FBLN2: variants seen among roughly 807,000 people sequenced by gnomAD.
FBLN2 encodes fibulin 2, also known as fibulin-2.
In FBLN2, 81 loss-of-function variants were observed where a neutral mutation model predicts 123.7. The ratio of observed to expected loss-of-function variants is 0.65; its 90% CI spans 0.55 to 0.79. FBLN2 has a LOEUF of 0.79. Ranked by LOEUF, FBLN2 falls within the 30% of genes least tolerant of loss-of-function variation. The pLI is 0.00. For synonymous variants in FBLN2, 699 were observed against 701.4 expected, an observed-to-expected ratio of 1.00 and a Z score of 0.05; for missense variants, 1,603 against 1,681.3, an observed-to-expected ratio of 0.95 and a Z score of 0.81.
At position 13,560,347 on chromosome 3, in the gene FBLN2, C is replaced by T. The variant is rs183406167; in HGVS notation, c.-41-9968C>T. Among the ~76,000 whole-genome samples, 1,072 of 152,198 alleles carry T rather than the reference C, an allele frequency of 7.0e-3. 18 individuals are homozygous for T. Among genetic ancestry groups the T allele is most frequent in the African/African-American group, 0.025 (1,023 of 41,504 alleles). ...ATGAGCTCACCCTGTTGAAGGAAGG[C>T]CCAGTGACCAGTGAGCGTGTGAGGA... is the stretch of plus-strand genomic sequence containing the variant. On this transcript the variant is annotated intron_variant, in intron 1 of 17. Transcript: ENST00000404922.
At chr3:13,599,125 G>T (rs1704941778) in intron 2 of FBLN2, among the ~76,000 whole-genome samples, 1 of 152,212 alleles carries the variant, frequency 6.6e-6, no homozygotes, top group African/African-American at 2.4e-5. Context: ...TGTGGGATCT[G>T]TGGAGCCCCA....
At chr3:13,587,704 C>T (rs1704554651) in intron 2 of FBLN2, among the ~76,000 whole-genome samples, 1 of 152,240 alleles carries the variant, frequency 6.6e-6, no homozygotes, top group South Asian at 2.1e-4. Context: ...AAACATTTTA[C>T]AGCCTAGCTA....
chr3:13,605,746 G>A (rs1470927589), intron 2 of FBLN2, among the ~76,000 whole-genome samples: 3 of 152,172 alleles, frequency 2.0e-5, no homozygotes, highest in Admixed American at 2.0e-4. Flanking sequence ...CCTTGATGTT[G>A]CGTGTGCTTA....
chr3:13,630,835 G>A lies in FBLN2; in HGVS notation c.3085+20G>A. On this transcript the variant is annotated intron_variant, in intron 15 of 17. Transcript: ENST00000404922. ...GCACAGGTACCTCTCCCCTGTCCAA[G>A]GGCCCCCTTCCAGAGAGTCACTCCT... 6.4e-7 allele frequency: 1 copy of A among 1,554,290 alleles called. No individual in the cohort carries two copies. The highest frequency in any genetic ancestry group is 1.2e-5 in the South Asian group (1 of 85,520).
At chr3:13,569,098 C>G in intron 1 of FBLN2, 1 of 978,074 alleles carries the variant, frequency 1.0e-6, no homozygotes, top group Non-Finnish European at 1.2e-6. Flanking sequence ...CACTGGGTCA[C>G]AAGTGGGGCT....
intron 2 of FBLN2, among the ~76,000 whole-genome samples, chr3:13,591,670 T>G (rs189676936): frequency 1.8e-4 from 27 of 152,342 alleles, no homozygotes; most frequent in Non-Finnish European, 3.8e-4. Context: ...AGCCTTGTAG[T>G]AATTTTTAGT....
intron 2 of FBLN2, among the ~76,000 whole-genome samples, chr3:13,598,439 C>T (rs760660348): frequency 2.6e-5 from 4 of 152,216 alleles, no homozygotes; most frequent in Non-Finnish European, 5.9e-5. Flanking sequence ...CATGCCTGTG[C>T]TCATCTTGTG....
rs1349771430 is a variant in FBLN2, at chr3:13,587,580, C to A, written c.1306+15919C>A. On this transcript the variant is annotated intron_variant, in intron 2 of 17. Coordinates refer to ENST00000404922, the MANE Select transcript of FBLN2 (RefSeq NM_001004019.2). ...CTAACTGGACTTCCTTCTCAGCAGG[C>A]GCTCTTAAAATTTAACTTGAAAGAC... Among the ~76,000 whole-genome samples the A allele has an allele frequency of 2.6e-5, 4 of 152,162 alleles. No homozygotes were observed. In the East Asian group the frequency reaches 5.8e-4, roughly 22 times the overall value.
At chr3:13,617,722 TTCATCCACCCCCCCCACCCCC>T (rs1705679714) in intron 5 of FBLN2, among the ~76,000 whole-genome samples, 1 of 66,338 alleles carries the variant, frequency 1.5e-5, no homozygotes, top group African/African-American at 6.6e-5. Context: ...CATCCATCCA[TTCATCCACCCCCCCCACCCCC>T]CCACCCATTC....
At chr3:13,632,314 T>A (rs1706284846) in intron 16 of FBLN2, among the ~76,000 whole-genome samples, 1 of 152,166 alleles carries the variant, frequency 6.6e-6, no homozygotes, top group Non-Finnish European at 1.5e-5. Context: ...TCCTCCTGAC[T>A]TCAGTGGCCA....
chr3:13,618,173 TCTC>T lies in FBLN2; in HGVS notation c.1832_1834del (p.Leu611del), dbSNP rs528296038. On this transcript the variant is annotated inframe_deletion, in exon 6 of 18. Coordinates refer to ENST00000404922, the MANE Select transcript of FBLN2 (RefSeq NM_001004019.2). ...CGGGCGATGACCAGGATGAGTGCCT[TCTC>T]CTCCCGGGAGAGCTGTGCCAGCACC... is the stretch of plus-strand genomic sequence containing the variant. The T allele has an allele frequency of 1.4e-4, 218 of 1,613,760 alleles. No individual in the cohort carries two copies. The highest frequency in any genetic ancestry group is 1.8e-4 in the Non-Finnish European group (217 of 1,179,886).
At chr3:13,549,806 C>T (rs191887152) in intron 1 of FBLN2, among the ~76,000 whole-genome samples, 31 of 152,198 alleles carry the variant, frequency 2.0e-4, no homozygotes, top group Middle Eastern at 3.4e-3. Flanking sequence ...ATGCTCACCC[C>T]GCCAGCTCCC....
At chr3:13,631,279 G>T in intron 15 of FBLN2, 50 bp from the exon 16 acceptor site, 2 of 1,579,176 alleles carry the variant, frequency 1.3e-6, no homozygotes, top group Non-Finnish European at 1.7e-6. Context: ...TCAGTGGCTG[G>T]GCTCTGTGGG....
chr3:13,560,627 G>A (rs914002374), intron 1 of FBLN2, among the ~76,000 whole-genome samples: 10 of 152,262 alleles, frequency 6.6e-5, no homozygotes, highest in South Asian at 6.2e-4. Flanking sequence ...ACATTTGCCC[G>A]CGAGGAAATG....
At position 13,570,999 on chromosome 3, in the gene FBLN2, A is replaced by AGGTCCAGGCGGGTGC. The variant is rs1422765040; in HGVS notation, c.645_659dup (p.Val221_Ala225dup). ...GAAGCAGCAACAGCCCTGGGGGGTG[A>AGGTCCAGGCGGGTGC]GGTCCAGGCGGGTGCAGTCCAGGCA... is the stretch of plus-strand genomic sequence containing the variant. On this transcript the variant is annotated inframe_insertion, in exon 2 of 18. Transcript: ENST00000404922. 4 of 1,604,368 alleles carry AGGTCCAGGCGGGTGC rather than the reference A, an allele frequency of 2.5e-6. No homozygotes were observed. The East Asian group carries it at 9.0e-5, about 36-fold the overall frequency.
intron 2 of FBLN2, among the ~76,000 whole-genome samples, chr3:13,574,876 A>G (rs1366924262): frequency 6.6e-6 from 1 of 151,776 alleles, no homozygotes; most frequent in African/African-American, 2.4e-5. Flanking sequence ...CTGGGCTTCC[A>G]TCTCCCACCC....
chr3:13,566,683 G>C (rs1703757259), intron 1 of FBLN2: 1 of 152,366 alleles, frequency 6.6e-6, no homozygotes, highest in Middle Eastern at 3.4e-3. Context: ...TGCATTTGGG[G>C]GGGCCCAGAC....
At chr3:13,591,934 A>G (rs1486713809) in intron 2 of FBLN2, among the ~76,000 whole-genome samples, 4 of 151,598 alleles carry the variant, frequency 2.6e-5, no homozygotes, top group African/African-American at 7.3e-5. Context: ...TGAAAAGGCC[A>G]TCTTTCCCCT....
At chr3:13,614,866 GTCCATCTA>G (rs1416455517) in intron 5 of FBLN2, among the ~76,000 whole-genome samples, 27 of 139,192 alleles carry the variant, frequency 1.9e-4, no homozygotes, top group African/African-American at 7.2e-4. Flanking sequence ...CTGTCCATCT[GTCCATCTA>G]TCCATCTGTC....
Sources: allele counts gnomAD v4.1 joint callset (sites outside exome capture counted in the v4.1 genomes callset), GRCh38; gene constraint gnomAD v4.1.1; transcripts MANE v1.5; gene names NCBI Gene and HGNC (gene_info 2026-07-23, HGNC 2026-07-21).